Variants in LTBP4 observed in about 807,000 individuals in gnomAD.
LTBP4 encodes latent-transforming growth factor beta-binding protein 4.
LTBP4 carries 93 observed loss-of-function variants against 180.2 expected under a neutral mutation model. The ratio of observed to expected loss-of-function variants is 0.52; its 90% CI spans 0.44 to 0.61. LTBP4 has a LOEUF of 0.61. LTBP4 is among the 20% of genes least tolerant of loss of function. LTBP4 has a pLI of 0.00. For missense variants in LTBP4, 2,116 were observed against 2,256.5 expected (o/e 0.94, Z 1.26); for synonymous variants, 947 against 934.5 (o/e 1.01, Z -0.24).
At chr19:40,606,568 C>T in intron 6 of LTBP4, 42 bp downstream of exon 6, 2 of 1,538,348 alleles carry the variant, frequency 1.3e-6, no homozygotes, top group Non-Finnish European at 1.8e-6. Flanking sequence ...CCCGCCCTCC[C>T]TGCCCTCAGA....
In LTBP4 at chr19:40,605,946, C is replaced by A. The variant is rs2081458223; in HGVS notation, c.793+115C>A. ...TCACAAATTGTAGCCACGCCTACCC[C>A]ATTGTGGAGGCGACTTCCAGTCCTG... is the stretch of plus-strand genomic sequence containing the variant. On this transcript the variant is annotated intron_variant, in intron 4 of 29. Transcript: ENST00000396819. The surrounding 1 kb of genome is among the most constrained non-coding windows in gnomAD (Gnocchi z 5.5). 1.4e-5 allele frequency: 17 copies of A among 1,182,740 alleles called. No homozygotes were observed. Among genetic ancestry groups the A allele is most frequent in the Non-Finnish European group, 1.9e-5 (16 of 855,428 alleles). 73.3% of individuals were successfully genotyped at this position (1,182,740 alleles called of 1,614,324 possible). A position where few individuals can be genotyped will look rare whatever the true frequency, so the allele number is the denominator to read the frequency against.
intron 27 of LTBP4, among the ~76,000 whole-genome samples, 179 bp downstream of exon 27, chr19:40,626,188 A>G (rs142270216): frequency 1.2e-3 from 185 of 152,204 alleles, no homozygotes; most frequent in African/African-American, 4.4e-3. Context: ...AAAGACTTCC[A>G]AGTCTCAGCC....
intron 1 of LTBP4, among the ~76,000 whole-genome samples, chr19:40,593,543 C>T (rs2081376727): frequency 6.6e-6 from 1 of 151,454 alleles, no homozygotes; most frequent in Non-Finnish European, 1.5e-5. Context: ...CATGCCCAGC[C>T]TCACACTCTA....
chr19:40,616,286 C>T (rs1377808842), intron 19 of LTBP4, among the ~76,000 whole-genome samples: 1 of 112,986 alleles, frequency 8.9e-6, no homozygotes, highest in Non-Finnish European at 1.8e-5. Context: ...AGAGCAAGAC[C>T]CCATTTAAAA....
chr19:40,614,292 GA>G lies in LTBP4; in HGVS notation c.2681-22del, dbSNP rs756795099. On this transcript the variant is annotated intron_variant, in intron 18 of 29. Coordinates refer to ENST00000396819, the MANE Select transcript of LTBP4 (RefSeq NM_001042545.2). ...TCTTGCCTCCCTGCTTCCCACATCC[GA>G]CCACCCGACCTCTCTCCTCAGACGT... The G allele has an allele frequency of 6.3e-6, 10 of 1,587,848 alleles. No individual in the cohort carries two copies. The Admixed American group carries it at 1.2e-4, about 19-fold the overall frequency.
chr19:40,595,460 G>GT (rs2081385117), intron 1 of LTBP4, among the ~76,000 whole-genome samples: 1 of 151,228 alleles, frequency 6.6e-6, no homozygotes, highest in East Asian at 1.9e-4. Flanking sequence ...CTCCCAGGGG[G>GT]TCCTGGGGGC....
rs1208772735 is a variant in LTBP4 at position 40,605,575 on chromosome 19, C to T, written c.613C>T (p.Gln205Ter). The T allele has an allele frequency of 6.2e-7, 1 of 1,603,732 alleles. No homozygotes were observed. Among genetic ancestry groups the T allele is most frequent in the East Asian group, 2.2e-5 (1 of 44,702 alleles). ...GGCAGCGCCCTACACGGTGTTGGCA[C>T]AGAGCGCGCCGCGGGAGGACGGCTA... ...EAAAPYTVLA[Q>*]SAPREDGYSD... The change falls in exon 3 of 30, where the codon CAG becomes TAG. Residue 205 changes from glutamine to a stop codon, truncating the protein, a stop_gained. Transcript: ENST00000396819. LOFTEE classifies it high-confidence loss of function. This position sits in a 1 kb window ranked among gnomAD's most constrained non-coding sequence, Gnocchi z 5.5.
At chr19:40,610,502 C>A in intron 11 of LTBP4, 30 bp from the exon 12 acceptor site, 1 of 1,575,790 alleles carries the variant, frequency 6.3e-7, no homozygotes, top group Non-Finnish European at 8.6e-7. Context: ...CTGTCTGCCC[C>A]AGTCCCAGCC....
In LTBP4 at chr19:40,611,766, C is replaced by A. The variant is rs116992584; in HGVS notation, c.2054-93C>A. On this transcript the variant is annotated intron_variant, in intron 13 of 29. Coordinates refer to ENST00000396819, the MANE Select transcript of LTBP4 (RefSeq NM_001042545.2). The surrounding 1 kb of genome is among the most constrained non-coding windows in gnomAD (Gnocchi z 4.4). ...AGCAGCCTGAGGCAAGTCCAGAAGG[C>A]AGGCTCAAGACTGGAATGCTGGGGT... 4 of 1,499,328 alleles carry A rather than the reference C, an allele frequency of 2.7e-6. No individual in the cohort carries two copies. Among genetic ancestry groups the A allele is most frequent in the Non-Finnish European group, 2.7e-6 (3 of 1,115,880 alleles). The allele number at this position is 1,499,328 out of a possible 1,614,324, so 92.9% of individuals were successfully genotyped here.
intron 24 of LTBP4, 43 bp from the exon 25 acceptor site, chr19:40,623,561 C>A: frequency 6.3e-7 from 1 of 1,591,488 alleles, no homozygotes; most frequent in South Asian, 1.1e-5. Flanking sequence ...ACACACTCCA[C>A]CCATCCAGCC....
At chr19:40,602,146 TG>T in intron 1 of LTBP4, among the ~76,000 whole-genome samples, 2 of 30,812 alleles carry the variant, frequency 6.5e-5, no homozygotes, top group Admixed American at 3.0e-4. Context: ...AGACGGGGGT[TG>T]TGTGTGTGTG....
In LTBP4 at chr19:40,595,684, GC is replaced by G. The variant is rs2081386065; in HGVS notation, c.16+2504del. ...AGCTCCTAGTGGTGGAGACTCTTAGGCAAGGAAGGGATCGGTACTCTCTTTT... is the reference window on the plus strand; with the variant it reads ...AGCTCCTAGTGGTGGAGACTCTTAGGAAGGAAGGGATCGGTACTCTCTTTT... On this transcript the variant is annotated intron_variant, in intron 1 of 32. Transcript: ENST00000204005. Among the ~76,000 whole-genome samples the G allele has an allele frequency of 2.6e-5, 4 of 152,140 alleles. No individual in the cohort carries two copies. In the South Asian group the frequency reaches 8.3e-4, roughly 32 times the overall value.
In LTBP4 at chr19:40,625,293, TATATATATATATATATATATATA is replaced by T. The variant is rs1568414504; in HGVS notation, c.3833-563_3833-541del. ...ATATATATATATATATATATATATATATATATATATATATATATATATATTTTTTTTTTTAAAGATGGGTTTTT... is the reference window on the plus strand; with the variant it reads ...ATATATATATATATATATATATATATTTTTTTTTTTTAAAGATGGGTTTTT... On this transcript the variant is annotated intron_variant, in intron 26 of 29. Transcript: ENST00000396819. Among the ~76,000 whole-genome samples the T allele has an allele frequency of 4.5e-3, 58 of 12,814 alleles. 14 individuals carry two copies. Among genetic ancestry groups the T allele is most frequent in the East Asian group, 0.011 (8 of 698 alleles). 8.4% of individuals were successfully genotyped at this position (12,814 alleles called of 152,430 possible). A position where few individuals can be genotyped will look rare whatever the true frequency, so the allele number is the denominator to read the frequency against.
intron 11 of LTBP4, chr19:40,610,089 A>G (rs763080078): frequency 5.3e-5 from 32 of 605,030 alleles, no homozygotes; most frequent in Non-Finnish European, 7.7e-5. Context: ...GCCAGTTTCT[A>G]TCGGGGCCTG....
chr19:40,598,827 G>T (rs2081405068), upstream of LTBP4, among the ~76,000 whole-genome samples: 1 of 152,246 alleles, frequency 6.6e-6, no homozygotes, highest in South Asian at 2.1e-4. Flanking sequence ...GTGCGGGAGG[G>T]CGGGGTTCTA....
In LTBP4 at chr19:40,629,363, C is replaced by A. The variant is rs1414190014; in HGVS notation, c.4520-33C>A. 6.2e-7 allele frequency: 1 copy of A among 1,611,452 alleles called. No homozygotes were observed. The highest frequency in any genetic ancestry group is 1.7e-5 in the Admixed American group (1 of 59,954). ...AGGAGGCGAGCTTCTGGGGCCCCAG[C>A]CTTCAGCAGCGATCGTTGTCTCCCC... On this transcript the variant is annotated intron_variant, in intron 29 of 29. Transcript: ENST00000396819. The surrounding 1 kb of genome is among the most constrained non-coding windows in gnomAD (Gnocchi z 4.5).
Position 40,627,605 on chromosome 19 carries a change from T to A in LTBP4, c.4367-100T>A, listed in dbSNP as rs929822052. 6.1e-6 allele frequency: 9 copies of A among 1,472,920 alleles called. No homozygotes were observed. The African/African-American group carries it at 1.3e-4, about 21-fold the overall frequency. The allele number at this position is 1,472,920 out of a possible 1,614,324, so 91.2% of individuals were successfully genotyped here. A position where few individuals can be genotyped will look rare whatever the true frequency, so the allele number is the denominator to read the frequency against. On this transcript the variant is annotated intron_variant, in intron 28 of 29. Transcript: ENST00000396819. ...CACAGCCCTGGAGCGGGATGGACAG[T>A]TTACAGCGAGAAAGATGGAGCCAAG...
chr19:40,625,296 A>ATTTATATATATT (rs1568414529), intron 26 of LTBP4, among the ~76,000 whole-genome samples: 1 of 9,628 alleles, frequency 1.0e-4, no homozygotes, highest in Non-Finnish European at 1.5e-4. Context: ...ATATATATAT[A>ATTTATATATATT]TATATATATA....
chr19:40,619,633 T>C (rs2081572830), intron 22 of LTBP4, 140 bp downstream of exon 22: 1 of 959,166 alleles, frequency 1.0e-6, no homozygotes, highest in Non-Finnish European at 1.5e-6. Flanking sequence ...TAAGTTAACA[T>C]GGGTAGTGAG....
Sources: allele counts gnomAD v4.1 joint callset (sites outside exome capture counted in the v4.1 genomes callset), GRCh38; gene constraint gnomAD v4.1.1; non-coding constraint Gnocchi (gnomAD v3.1); transcripts MANE v1.5; gene names NCBI Gene and HGNC (gene_info 2026-07-23, HGNC 2026-07-21).